TMEM65: variants seen among roughly 807,000 people sequenced by gnomAD.
TMEM65 encodes the protein transmembrane protein 65.
In TMEM65, 22 loss-of-function variants were observed where a neutral mutation model predicts 25.4. That is an observed-to-expected ratio of 0.86 (90% CI 0.62 to 1.23). TMEM65 has a LOEUF of 1.23. Among genes scored for constraint, TMEM65 ranks in the 50% most tolerant of loss-of-function variants. TMEM65 has a pLI of 0.00. For synonymous variants in TMEM65, 132 were observed against 126.2 expected (o/e 1.05, Z -0.31); for missense variants, 262 against 308.2 (o/e 0.85, Z 1.12).
At chr8:124,351,008 T>C (rs564492558) in intron 1 of TMEM65, 1 of 985,178 alleles carries the variant, frequency 1.0e-6, no homozygotes, top group East Asian at 1.1e-4. Flanking sequence ...CTTCACTACT[T>C]GCAATCAACA....
In TMEM65 at chr8:124,309,912, G is replaced by A. The variant is rs960136236; in HGVS notation, c.*4048C>T. 7 of 151,944 alleles carry A rather than the reference G, an allele frequency of 4.6e-5. No individual in the cohort carries two copies. Among genetic ancestry groups the A allele is most frequent in the Admixed American group, 6.6e-5 (1 of 15,226 alleles). The allele number at this position is 151,944 out of a possible 1,614,324, so 9.4% of individuals were successfully genotyped here. A position where few individuals can be genotyped will look rare whatever the true frequency, so the allele number is the denominator to read the frequency against. Reference sequence around the variant, plus strand: ...CTAAAAATACAAAAAAATTAGGCTCGGTGGCACGTGCCTGTAATCCCAGCT... The same window carrying A: ...CTAAAAATACAAAAAAATTAGGCTCAGTGGCACGTGCCTGTAATCCCAGCT... On this transcript the variant is annotated 3_prime_UTR_variant, in exon 7 of 7. Transcript: ENST00000297632.
intron 3 of TMEM65, among the ~76,000 whole-genome samples, 173 bp downstream of exon 3, chr8:124,327,181 T>A (rs1345026634): frequency 1.3e-5 from 2 of 152,012 alleles, no homozygotes; most frequent in African/African-American, 4.8e-5. Flanking sequence ...TAATGATTAA[T>A]AAATATTAAA....
chr8:124,319,132 G>C (rs888025894), intron 6 of TMEM65, among the ~76,000 whole-genome samples: 1 of 152,062 alleles, frequency 6.6e-6, no homozygotes, highest in African/African-American at 2.4e-5. Context: ...TTGAATGAAG[G>C]AGTGACAATA....
At chr8:124,320,583 C>CT (rs1814292333) in intron 5 of TMEM65, among the ~76,000 whole-genome samples, 1 of 152,124 alleles carries the variant, frequency 6.6e-6, no homozygotes, top group African/African-American at 2.4e-5. Context: ...AAGCAAAGCA[C>CT]TTTAACATAT....
intron 6 of TMEM65, among the ~76,000 whole-genome samples, chr8:124,315,589 G>A (rs1022688136): frequency 3.9e-5 from 6 of 151,990 alleles, no homozygotes; most frequent in Admixed American, 1.3e-4. Context: ...CCAAAGTGCT[G>A]GAATTACAGG....
Position 124,322,201 on chromosome 8 carries a change from C to T in TMEM65, c.473-54G>A, listed in dbSNP as rs150119852. 11,241 of 1,330,864 alleles carry T rather than the reference C, an allele frequency of 8.4e-3. 75 individuals are homozygous for T. The highest frequency in any genetic ancestry group is 0.011 in the Non-Finnish European group (10,166 of 942,746). 82.4% of individuals were successfully genotyped at this position (1,330,864 alleles called of 1,614,324 possible). A position where few individuals can be genotyped will look rare whatever the true frequency, so the allele number is the denominator to read the frequency against. ...ACATAAAAGAATAATAATTATATCACTATGTAATCAATAAAGCACTGATCT... is the reference window on the plus strand; with the variant it reads ...ACATAAAAGAATAATAATTATATCATTATGTAATCAATAAAGCACTGATCT... On this transcript the variant is annotated intron_variant, in intron 4 of 6. Transcript: ENST00000297632.
rs1814987299 is a variant in TMEM65 at position 124,369,689 on chromosome 8, A to G, written c.304+2165T>C. ...TGATTTCAGCAATGGAATGAGCTGTACGCATTCCCAACATAATAAAATCCC... is the reference window on the plus strand; with the variant it reads ...TGATTTCAGCAATGGAATGAGCTGTGCGCATTCCCAACATAATAAAATCCC... On this transcript the variant is annotated intron_variant, in intron 1 of 6. Coordinates refer to ENST00000297632, the MANE Select transcript of TMEM65 (RefSeq NM_194291.3). Among the ~76,000 whole-genome samples the G allele has an allele frequency of 1.3e-5, 2 of 152,236 alleles. 1 individual carries two copies. Among genetic ancestry groups the G allele is most frequent in the South Asian group, 4.1e-4 (2 of 4,836 alleles).
intron 1 of TMEM65, among the ~76,000 whole-genome samples, chr8:124,347,590 T>G (rs1042278999): frequency 6.6e-6 from 1 of 152,180 alleles, no homozygotes; most frequent in African/African-American, 2.4e-5. Flanking sequence ...TATTGATTTT[T>G]TAATTAAATA....
chr8:124,361,196 G>A (rs75742899), intron 1 of TMEM65, among the ~76,000 whole-genome samples: 11,442 of 151,628 alleles, frequency 0.075, 462 homozygotes, highest in African/African-American at 0.11. Context: ...CACTTTGGGA[G>A]GCCGAGGCGG....
At chr8:124,347,921 G>C (rs528707251) in intron 1 of TMEM65, among the ~76,000 whole-genome samples, 56 of 122,362 alleles carry the variant, frequency 4.6e-4, no homozygotes, top group Non-Finnish European at 6.4e-4. Flanking sequence ...GCGGAGTTTT[G>C]CTCTTGCTGC....
intron 1 of TMEM65, among the ~76,000 whole-genome samples, chr8:124,345,075 T>C (rs1184692999): frequency 6.6e-6 from 1 of 152,198 alleles, no homozygotes; most frequent in Non-Finnish European, 1.5e-5. Flanking sequence ...TGTAGCAAAC[T>C]GCAATCTAAT....
intron 1 of TMEM65, among the ~76,000 whole-genome samples, chr8:124,355,241 G>C (rs1214499762): frequency 1.3e-5 from 2 of 149,054 alleles, no homozygotes. Context: ...AAGTCCCTTT[G>C]AGCAGAAAAA....
chr8:124,336,532 G>GAT (rs1407124340), intron 1 of TMEM65, among the ~76,000 whole-genome samples: 4 of 151,894 alleles, frequency 2.6e-5, no homozygotes, highest in Non-Finnish European at 5.9e-5. Flanking sequence ...GTAACAATAA[G>GAT]ATATATGACA....
intron 3 of TMEM65, 81 bp downstream of exon 3, chr8:124,327,273 C>CACA: frequency 1.1e-6 from 1 of 946,822 alleles, no homozygotes; most frequent in Non-Finnish European, 1.6e-6. Flanking sequence ...ACTTTATAAT[C>CACA]ACAATAGAAA....
At chr8:124,325,660 T>G (rs887877815) in intron 3 of TMEM65, among the ~76,000 whole-genome samples, 2 of 151,934 alleles carry the variant, frequency 1.3e-5, no homozygotes, top group Non-Finnish European at 2.9e-5. Context: ...GAGTCAGCCA[T>G]CTCAGGCCTG....
chr8:124,357,061 T>C (rs865852257), intron 1 of TMEM65, among the ~76,000 whole-genome samples: 111 of 2,302 alleles, frequency 0.048, no homozygotes, highest in African/African-American at 0.25. Context: ...AGGATATCTT[T>C]TTTTTTTTTT....
At chr8:124,353,004 G>C (rs998294760) in intron 1 of TMEM65, among the ~76,000 whole-genome samples, 1 of 152,138 alleles carries the variant, frequency 6.6e-6, no homozygotes. Context: ...GTGCACGCCT[G>C]TAATCCCAGC....
chr8:124,355,279 CAGA>C (rs1398139576), intron 1 of TMEM65, among the ~76,000 whole-genome samples: 1 of 151,866 alleles, frequency 6.6e-6, no homozygotes, highest in African/African-American at 2.4e-5. Flanking sequence ...TTTTTTAAAC[CAGA>C]AGATCTTTCT....
chr8:124,350,923 T>C, intron 1 of TMEM65: 1 of 916,848 alleles, frequency 1.1e-6, no homozygotes, highest in Middle Eastern at 5.5e-4. Flanking sequence ...ATACAGACAG[T>C]CAAAAACACT....
Sources: allele counts gnomAD v4.1 joint callset (sites outside exome capture counted in the v4.1 genomes callset), GRCh38; gene constraint gnomAD v4.1.1; transcripts MANE v1.5; gene names NCBI Gene and HGNC (gene_info 2026-07-23, HGNC 2026-07-21).